The following NAALADL2 variants were observed in gnomAD, a reference collection of about 807,000 sequenced individuals.
The protein encoded by NAALADL2 is inactive N-acetylated-alpha-linked acidic dipeptidase-like protein 2.
Under a neutral mutation model 87.2 loss-of-function variants are expected in NAALADL2, and 76 were observed. The observed-to-expected ratio is 0.87, with a 90% CI of 0.72 to 1.05. NAALADL2 has a LOEUF of 1.05. Ranked by LOEUF, NAALADL2 falls within the 50% of genes least tolerant of loss-of-function variation. The pLI is 0.00. For synonymous variants in NAALADL2, 354 were observed against 331.0 expected (o/e 1.07, Z -0.75); for missense variants, 1,089 against 945.8 (o/e 1.15, Z -1.99).
intron 5 of NAALADL2, among the ~76,000 whole-genome samples, chr3:175,445,593 C>T (rs1052882673): frequency 2.6e-5 from 4 of 152,162 alleles, no homozygotes; most frequent in African/African-American, 9.6e-5. Flanking sequence ...TATTCATGTA[C>T]ATCACTGCCT....
intron 2 of NAALADL2, among the ~76,000 whole-genome samples, chr3:174,734,358 G>T: frequency 6.6e-6 from 1 of 152,154 alleles, no homozygotes; most frequent in South Asian, 2.1e-4. Flanking sequence ...TTTATTTGAA[G>T]ATTGAGCTGC....
intron 2 of NAALADL2, among the ~76,000 whole-genome samples, chr3:174,584,643 G>A (rs1342611144): frequency 6.6e-6 from 1 of 152,086 alleles, no homozygotes; most frequent in African/African-American, 2.4e-5. Flanking sequence ...CATAATGCAT[G>A]ATAGCTAATT....
At chr3:174,838,346 A>G (rs1723610017) in intron 3 of NAALADL2, among the ~76,000 whole-genome samples, 1 of 152,202 alleles carries the variant, frequency 6.6e-6, no homozygotes, top group African/African-American at 2.4e-5. Flanking sequence ...GCATACCTCA[A>G]GGTAATAGAA....
chr3:175,314,694 A>ATAGTTCTAAC lies in NAALADL2; in HGVS notation c.940-9479_940-9478insGTTCTAACTA, dbSNP rs1553857579. Among the ~76,000 whole-genome samples, 148 of 82,724 alleles carry ATAGTTCTAAC rather than the reference A, an allele frequency of 1.8e-3. 5 individuals are homozygous for ATAGTTCTAAC. The highest frequency in any genetic ancestry group is 3.6e-3 in the East Asian group (7 of 1,944). 54.3% of individuals were successfully genotyped at this position (82,724 alleles called of 152,430 possible). A position where few individuals can be genotyped will look rare whatever the true frequency, so the allele number is the denominator to read the frequency against. On this transcript the variant is annotated intron_variant, in intron 4 of 13. Coordinates refer to ENST00000454872, the MANE Select transcript of NAALADL2 (RefSeq NM_207015.3). ...TATATATATATATATATATATATAT[A>ATAGTTCTAAC]TATATATATATATATATATATATAT...
In NAALADL2 at chr3:175,365,037, A is replaced by C. The variant is rs1765408477; in HGVS notation, c.1090+40712A>C. Among the ~76,000 whole-genome samples the C allele has an allele frequency of 1.4e-5, 2 of 147,910 alleles. 1 individual carries two copies. Among genetic ancestry groups the C allele is most frequent in the Admixed American group, 1.4e-4 (2 of 14,438 alleles). On this transcript the variant is annotated intron_variant, in intron 5 of 13. Transcript: ENST00000454872. Reference sequence around the variant, plus strand: ...AATTGTCAAAGGAGAATTATGCATCATATAGCACAGCTTTCCATATAACTT... The same window carrying C: ...AATTGTCAAAGGAGAATTATGCATCCTATAGCACAGCTTTCCATATAACTT...
At chr3:175,079,066 A>G (rs1275084093) in intron 1 of NAALADL2, among the ~76,000 whole-genome samples, 2 of 152,154 alleles carry the variant, frequency 1.3e-5, no homozygotes, top group Non-Finnish European at 2.9e-5. Context: ...ATGGGGTTCT[A>G]ATTTCTCTAA....
At chr3:175,774,438 T>C (rs1348056338) in intron 13 of NAALADL2, among the ~76,000 whole-genome samples, 1 of 152,030 alleles carries the variant, frequency 6.6e-6, no homozygotes. Flanking sequence ...ATTTTTTAAA[T>C]CCTTATTTTT....
intron 1 of NAALADL2, among the ~76,000 whole-genome samples, chr3:174,885,285 TTGTC>T (rs1372939687): frequency 6.6e-6 from 1 of 152,124 alleles, no homozygotes; most frequent in African/African-American, 2.4e-5. Context: ...TTTCAGCTCT[TTGTC>T]TGTAGGAGAT....
At chr3:174,701,050 A>G (rs1729502601) in intron 2 of NAALADL2, among the ~76,000 whole-genome samples, 1 of 151,952 alleles carries the variant, frequency 6.6e-6, no homozygotes. Context: ...AAACCTTAGT[A>G]AAGAATTTGG....
At chr3:174,460,356 G>C (rs1401167182) in intron 1 of NAALADL2, among the ~76,000 whole-genome samples, 1 of 151,802 alleles carries the variant, frequency 6.6e-6, no homozygotes, top group Non-Finnish European at 1.5e-5. Flanking sequence ...AGTGATACAG[G>C]TCTTGCATAT....
chr3:175,309,234 G>A (rs565772341), intron 4 of NAALADL2, among the ~76,000 whole-genome samples: 58 of 151,692 alleles, frequency 3.8e-4, no homozygotes, highest in East Asian at 1.7e-3. Context: ...CATCCAGGCC[G>A]GTGTGGAATG....
At chr3:175,408,788 G>T (rs1712916478) in intron 5 of NAALADL2, among the ~76,000 whole-genome samples, 2 of 151,546 alleles carry the variant, frequency 1.3e-5, no homozygotes, top group African/African-American at 4.8e-5. Context: ...TCTCTTATTT[G>T]AATGAATTAC....
rs1430725317 is a variant in NAALADL2 at position 175,503,235 on chromosome 3, C to T, written c.1653+31477C>T. On this transcript the variant is annotated intron_variant, in intron 9 of 13. Transcript: ENST00000454872. The stretch of plus-strand genomic sequence containing the variant: ...TAGGTTAATGGCCTCCAGCTCCATC[C>T]ATGTTGCTGCAAAGGACATGATCTC... Among the ~76,000 whole-genome samples the T allele has an allele frequency of 2.0e-5, 3 of 152,126 alleles. No individual in the cohort carries two copies. In the East Asian group the frequency reaches 5.8e-4, roughly 29 times the overall value.
upstream of NAALADL2, among the ~76,000 whole-genome samples, chr3:174,854,442 T>C (rs1369574300): frequency 6.6e-6 from 1 of 152,134 alleles, no homozygotes; most frequent in Admixed American, 6.6e-5. Flanking sequence ...TACAGTTTGA[T>C]AGAAGGAATA....
At chr3:175,605,640 G>GTTTTTTTTTTTT (rs751433758) in intron 10 of NAALADL2, among the ~76,000 whole-genome samples, 2 of 36,684 alleles carry the variant, frequency 5.5e-5, no homozygotes, top group Non-Finnish European at 1.3e-4. Context: ...TATATTGCTT[G>GTTTTTTTTTTTT]TTTTTTTTTT....
chr3:175,037,234 T>C (rs1050176907), intron 1 of NAALADL2, among the ~76,000 whole-genome samples: 1 of 152,152 alleles, frequency 6.6e-6, no homozygotes, highest in Non-Finnish European at 1.5e-5. Flanking sequence ...TGAAAGGCAC[T>C]GGTGATATGA....
intron 11 of NAALADL2, among the ~76,000 whole-genome samples, chr3:175,700,157 T>G (rs1415255115): frequency 6.6e-6 from 1 of 152,152 alleles, no homozygotes; most frequent in Non-Finnish European, 1.5e-5. Context: ...TTGTAAATAT[T>G]ATACATTGGA....
chr3:174,896,933 C>G (rs1469690499), intron 1 of NAALADL2, among the ~76,000 whole-genome samples: 3 of 152,132 alleles, frequency 2.0e-5, no homozygotes, highest in Non-Finnish European at 2.9e-5. Flanking sequence ...TAAAGACAGT[C>G]TCTTCAATAA....
At chr3:175,690,200 T>A (rs1034440589) in intron 11 of NAALADL2, among the ~76,000 whole-genome samples, 2 of 151,932 alleles carry the variant, frequency 1.3e-5, no homozygotes, top group African/African-American at 4.8e-5. Context: ...TGGGCCAAAT[T>A]AAAAATGTAG....
Sources: gnomAD v4.1 joint callset for allele counts (sites outside exome capture counted in the v4.1 genomes callset) on GRCh38, gnomAD v4.1.1 for gene constraint, MANE v1.5 for transcripts, NCBI Gene and HGNC (gene_info 2026-07-23, HGNC 2026-07-21) for gene names.